The following SLC38A4 variants were observed in gnomAD, a reference collection of about 807,000 sequenced individuals.
SLC38A4 encodes solute carrier family 38 member 4, also known as sodium-coupled neutral amino acid transporter 4.
A neutral mutation model predicts 63.1 loss-of-function variants in SLC38A4; 20 were observed. The ratio of observed to expected loss-of-function variants is 0.32; its 90% confidence interval spans 0.22 to 0.46. The LOEUF is 0.46. Ranked by LOEUF, SLC38A4 falls within the 20% of genes least tolerant of loss-of-function variation. SLC38A4 has a pLI of 1.00. For synonymous variants in SLC38A4, 230 were observed against 225.5 expected (o/e 1.02, Z -0.18); for missense variants, 526 against 663.6 (o/e 0.79, Z 2.28).
intron 16 of SLC38A4, 77 bp from the exon 17 acceptor site, chr12:46,766,879 A>G (rs1592172176): frequency 2.1e-6 from 2 of 941,844 alleles, no homozygotes; most frequent in East Asian, 2.6e-5. Flanking sequence ...TTTACATAAT[A>G]TGGCAATCTG....
chr12:46,823,960 A>C (rs1297744891), intron 1 of SLC38A4, among the ~76,000 whole-genome samples: 6 of 152,238 alleles, frequency 3.9e-5, no homozygotes, highest in Admixed American at 2.0e-4. Flanking sequence ...ACCTCCTCCC[A>C]GCAGCAGATG....
intron 1 of SLC38A4, among the ~76,000 whole-genome samples, chr12:46,807,380 G>A (rs12304394): frequency 0.016 from 2,418 of 151,850 alleles, 32 homozygotes; most frequent in East Asian, 0.063. Context: ...ATAAACTCAA[G>A]ATCTAATTGA....
intron 1 of SLC38A4, among the ~76,000 whole-genome samples, chr12:46,831,970 A>G (rs1288787231): frequency 6.6e-6 from 1 of 152,126 alleles, no homozygotes; most frequent in East Asian, 1.9e-4. Flanking sequence ...CCCTCCTGGA[A>G]TAGGCTACCT....
chr12:46,799,266 G>A (rs1939080063), intron 2 of SLC38A4, among the ~76,000 whole-genome samples: 1 of 152,032 alleles, frequency 6.6e-6, no homozygotes, highest in Admixed American at 6.6e-5. Context: ...CTTCACAAAT[G>A]AACAAATTAA....
chr12:46,814,648 G>T (rs1939403217), intron 1 of SLC38A4, among the ~76,000 whole-genome samples: 1 of 151,910 alleles, frequency 6.6e-6, no homozygotes, highest in South Asian at 2.1e-4. Flanking sequence ...CACAGTTTTG[G>T]TCTAATCACA....
At chr12:46,813,781 T>C (rs1939384091) in intron 1 of SLC38A4, among the ~76,000 whole-genome samples, 1 of 152,022 alleles carries the variant, frequency 6.6e-6, no homozygotes, top group Admixed American at 6.6e-5. Context: ...TGTGCCTCAG[T>C]TTCCGCATCT....
Position 46,776,905 on chromosome 12 carries a change from A to G in SLC38A4, c.1173T>C (p.Tyr391=), listed in dbSNP as rs746667603. Residue 391 remains tyrosine (Y), a splice_region_variant and synonymous_variant, in exon 13 of 17, where the codon TAT becomes TAC. Transcript: ENST00000266579. ...LAALFGYLTF[Y]GEVEDELLHA... is the part of the protein sequence containing the mutation. ...AGAATGACTTTCAGAGTGACCTACC[A>G]TAGAAGGTTAGGTAACCAAAGAGGG... 6.2e-6 allele frequency: 10 copies of G among 1,608,998 alleles called. No individual in the cohort carries two copies. In the East Asian group the frequency reaches 6.7e-5, roughly 11 times the overall value.
At chr12:46,770,954 G>A (rs1163135234) in intron 14 of SLC38A4, among the ~76,000 whole-genome samples, 3 of 152,070 alleles carry the variant, frequency 2.0e-5, no homozygotes, top group Non-Finnish European at 4.4e-5. Context: ...TAAATAGCTT[G>A]CAGTTTCTCA....
chr12:46,823,234 G>C (rs1045133684), intron 1 of SLC38A4, among the ~76,000 whole-genome samples: 1 of 152,076 alleles, frequency 6.6e-6, no homozygotes, highest in Admixed American at 6.5e-5. Flanking sequence ...GTTTGGTCTC[G>C]TGACTTACAG....
intron 14 of SLC38A4, among the ~76,000 whole-genome samples, chr12:46,773,112 T>A (rs1421511265): frequency 6.6e-6 from 1 of 152,120 alleles, no homozygotes; most frequent in African/African-American, 2.4e-5. Context: ...TCTGTCACCT[T>A]CTCTGTGTAT....
rs1373217953 is a variant in SLC38A4 at position 46,776,917 on chromosome 12, G to A, written c.1161C>T (p.Tyr387=). 1.9e-6 allele frequency: 3 copies of A among 1,611,944 alleles called. No homozygotes were observed. Among genetic ancestry groups the A allele is most frequent in the Admixed American group, 1.7e-5 (1 of 59,842 alleles). The change falls in exon 13 of 17, where the codon TAC becomes TAT. Residue 387 remains tyrosine, a synonymous_variant. Transcript: ENST00000266579. ...AGAGTGACCTACCATAGAAGGTTAG[G>A]TAACCAAAGAGGGCGGCAAGCAGGT... ...VMYLLAALFG[Y]LTFYGEVEDE...
At chr12:46,825,263 C>A (rs1939624732) in intron 1 of SLC38A4, among the ~76,000 whole-genome samples, 3 of 143,674 alleles carry the variant, frequency 2.1e-5, no homozygotes, top group South Asian at 4.4e-4. Flanking sequence ...GTTTAGGTGG[C>A]CTCTCTGTGC....
intron 6 of SLC38A4, 104 bp from the exon 7 acceptor site, chr12:46,784,738 T>A: frequency 1.2e-6 from 1 of 853,858 alleles, no homozygotes; most frequent in Non-Finnish European, 1.8e-6. Context: ...TAAATAAACA[T>A]CATATAGAAA....
chr12:46,783,018 A>G (rs1938675041), intron 7 of SLC38A4, among the ~76,000 whole-genome samples: 1 of 37,088 alleles, frequency 2.7e-5, no homozygotes, highest in South Asian at 1.3e-3. Context: ...GTGAGAGAGA[A>G]AATGTGTGTG....
chr12:46,793,768 G>A (rs905920239), intron 2 of SLC38A4, among the ~76,000 whole-genome samples: 2 of 152,120 alleles, frequency 1.3e-5, no homozygotes, highest in South Asian at 4.1e-4. Context: ...AGTAACAAAA[G>A]AAAGTTCAGA....
At chr12:46,816,731 T>C (rs1939448928) in intron 1 of SLC38A4, among the ~76,000 whole-genome samples, 1 of 151,848 alleles carries the variant, frequency 6.6e-6, no homozygotes, top group Admixed American at 6.6e-5. Context: ...AAAGGAGTAA[T>C]AAAAAATGTA....
intron 13 of SLC38A4, among the ~76,000 whole-genome samples, chr12:46,775,444 G>A (rs1357761336): frequency 6.6e-6 from 1 of 152,010 alleles, no homozygotes; most frequent in African/African-American, 2.4e-5. Flanking sequence ...TATCTCCGCT[G>A]TACAGAAGCA....
chr12:46,771,337 G>A (rs1428015220), intron 14 of SLC38A4, among the ~76,000 whole-genome samples: 3 of 152,084 alleles, frequency 2.0e-5, no homozygotes, highest in Non-Finnish European at 4.4e-5. Context: ...AAATAAGTAT[G>A]AGATATAGGC....
intron 16 of SLC38A4, among the ~76,000 whole-genome samples, chr12:46,767,232 GTA>G (rs1222526888): frequency 6.4e-5 from 5 of 77,838 alleles, no homozygotes; most frequent in Non-Finnish European, 1.8e-4. Context: ...AACAAAAAGT[GTA>G]TATATGTGTG....
Sources: gnomAD v4.1 joint callset for allele counts (sites outside exome capture counted in the v4.1 genomes callset) on GRCh38, gnomAD v4.1.1 for gene constraint, MANE v1.5 for transcripts, NCBI Gene and HGNC (gene_info 2026-07-23, HGNC 2026-07-21) for gene names.